KCNB2: variants seen among roughly 807,000 people sequenced by gnomAD.
KCNB2 encodes potassium voltage-gated channel subfamily B member 2.
KCNB2 carries 15 observed loss-of-function variants against 61.5 expected under a neutral mutation model. The observed-to-expected ratio is 0.24, with a 90% CI of 0.16 to 0.38. KCNB2 has a LOEUF of 0.38. Among genes scored for constraint, KCNB2 ranks in the 10% least tolerant of loss-of-function variants. The pLI, the probability that KCNB2 is intolerant of heterozygous loss-of-function variation, is 1.00. For synonymous variants in KCNB2, 457 were observed against 446.0 expected (o/e 1.02, Z -0.31); for missense variants, 828 against 1,125.2 (o/e 0.74, Z 3.78).
intron 2 of KCNB2, among the ~76,000 whole-genome samples, chr8:72,889,440 C>T (rs1688320792): frequency 6.6e-6 from 1 of 152,166 alleles, no homozygotes; most frequent in Non-Finnish European, 1.5e-5. Flanking sequence ...GTAATGCCAG[C>T]ACTTTGGGAG....
chr8:72,665,309 G>A lies in KCNB2; in HGVS notation c.579+96996G>A, dbSNP rs146319576. Among the ~76,000 whole-genome samples the A allele has an allele frequency of 1.5e-4, 23 of 152,256 alleles. No homozygotes were observed. The East Asian group carries it at 4.3e-3, about 28-fold the overall frequency. On this transcript the variant is annotated intron_variant, in intron 2 of 2. Coordinates refer to ENST00000523207, the MANE Select transcript of KCNB2 (RefSeq NM_004770.3). ...TATAGGGCTTGACTGGAAAAAACAA[G>A]GAGGTCTCCAAGGCTTTTAGCTGCA...
intron 2 of KCNB2, among the ~76,000 whole-genome samples, chr8:72,866,073 T>A (rs1477924633): frequency 2.0e-5 from 3 of 152,208 alleles, no homozygotes; most frequent in African/African-American, 7.2e-5. Flanking sequence ...CACATTGTCA[T>A]TCAGATGTTG....
chr8:72,701,906 T>C (rs1337896699), intron 2 of KCNB2, among the ~76,000 whole-genome samples: 1 of 152,244 alleles, frequency 6.6e-6, no homozygotes, highest in Non-Finnish European at 1.5e-5. Flanking sequence ...AATAGATATG[T>C]AATATTGTAC....
chr8:72,936,941 C>T lies in KCNB2; in HGVS notation c.1586C>T (p.Ser529Phe). 1 of 1,614,170 alleles carries T rather than the reference C, an allele frequency of 6.2e-7. No homozygotes were observed. Among genetic ancestry groups the T allele is most frequent in the Admixed American group, 1.7e-5 (1 of 60,028 alleles). ...DSHEQLNNTS[S>F]SSPQHLSAQK... The stretch of plus-strand genomic sequence containing the variant: ...CACGAGCAGCTGAACAACACGTCTT[C>T]CTCCAGCCCACAGCATCTGAGTGCC... Residue 529 changes from serine to phenylalanine, a missense_variant, in exon 3 of 3, where the codon TCC becomes TTC. This residue lies in a region of KCNB2 where 559 missense variants were observed against 588.4 expected (regional missense o/e 0.95). Transcript: ENST00000523207. This position sits in a 1 kb window ranked among gnomAD's most constrained non-coding sequence, Gnocchi z 5.6.
rs868237536 is a variant in KCNB2, at chr8:72,936,697, A to G, written c.1342A>G (p.Ser448Gly). 1 of 1,614,086 alleles carries G rather than the reference A, an allele frequency of 6.2e-7. No individual in the cohort carries two copies. Residue 448 changes from serine to glycine, a missense_variant, in exon 3 of 3, where the codon AGC (serine) becomes GGC (glycine). By Grantham distance (56) the Ser-to-Gly change is moderately conservative (BLOSUM62 0). Transcript: ENST00000523207. This position sits in a 1 kb window ranked among gnomAD's most constrained non-coding sequence, Gnocchi z 5.6. ...EALERAKRNGSIVSMNLKDAF... is the reference protein window; with the variant it reads ...EALERAKRNGGIVSMNLKDAF... The stretch of plus-strand genomic sequence containing the variant: ...TCTTGAGCGGGCCAAAAGGAACGGA[A>G]GCATCGTTTCTATGAACTTAAAAGA...
intron 2 of KCNB2, among the ~76,000 whole-genome samples, chr8:72,899,462 T>C (rs1223867101): frequency 6.6e-6 from 1 of 152,196 alleles, no homozygotes; most frequent in Non-Finnish European, 1.5e-5. Flanking sequence ...GAAAATATGA[T>C]TTTATGTCTG....
intron 2 of KCNB2, among the ~76,000 whole-genome samples, chr8:72,677,025 A>G (rs1806665876): frequency 1.3e-5 from 2 of 152,214 alleles, no homozygotes; most frequent in Non-Finnish European, 2.9e-5. Flanking sequence ...TATTTAAGGT[A>G]AAATTAGGTC....
chr8:72,556,295 A>G (rs373764424), intron 1 of KCNB2, among the ~76,000 whole-genome samples: 4 of 152,120 alleles, frequency 2.6e-5, no homozygotes, highest in Admixed American at 6.6e-5. Flanking sequence ...CATCTTGCCC[A>G]TCTGCCTTAC....
intron 2 of KCNB2, among the ~76,000 whole-genome samples, chr8:72,782,425 A>T (rs758722141): frequency 6.6e-6 from 1 of 152,076 alleles, no homozygotes. Flanking sequence ...AAACCCCCTA[A>T]TAAAATCCCA....
intron 2 of KCNB2, among the ~76,000 whole-genome samples, chr8:72,839,641 C>G (rs779773212): frequency 2.8e-5 from 3 of 107,760 alleles, no homozygotes; most frequent in Admixed American, 1.4e-4. Context: ...GTGACGGAGT[C>G]TCGCTCTGTC....
chr8:72,790,592 G>A lies in KCNB2; in HGVS notation c.580-145343G>A, dbSNP rs191630111. ...TATGTTTTTAAGAACTTTGGCACTCGAGGGGAGGATTGTTCTGTGACAGCA... is the reference window on the plus strand; with the variant it reads ...TATGTTTTTAAGAACTTTGGCACTCAAGGGGAGGATTGTTCTGTGACAGCA... On this transcript the variant is annotated intron_variant, in intron 2 of 2. Coordinates refer to ENST00000523207, the MANE Select transcript of KCNB2 (RefSeq NM_004770.3). Among the ~76,000 whole-genome samples the A allele has an allele frequency of 1.0e-3, 153 of 152,244 alleles. 2 individuals are homozygous for A. The highest frequency in any genetic ancestry group is 3.4e-3 in the African/African-American group (140 of 41,556).
At chr8:72,726,831 C>G (rs1807658393) in intron 2 of KCNB2, among the ~76,000 whole-genome samples, 1 of 151,888 alleles carries the variant, frequency 6.6e-6, no homozygotes, top group Non-Finnish European at 1.5e-5. Flanking sequence ...AATGAAGAGG[C>G]AGCTCAGGAG....
intron 2 of KCNB2, among the ~76,000 whole-genome samples, chr8:72,653,626 C>G (rs1806244952): frequency 2.0e-5 from 3 of 152,066 alleles, no homozygotes; most frequent in Admixed American, 6.6e-5. Context: ...CAAACCTGAC[C>G]TGCCGCTTGT....
At chr8:72,593,479 G>A (rs778627869) in intron 2 of KCNB2, among the ~76,000 whole-genome samples, 9 of 152,156 alleles carry the variant, frequency 5.9e-5, no homozygotes, top group Non-Finnish European at 8.8e-5. Context: ...TAGCTTTTAC[G>A]GAATGTGTCA....
At chr8:72,907,534 C>A (rs1371969079) in intron 2 of KCNB2, among the ~76,000 whole-genome samples, 1 of 152,132 alleles carries the variant, frequency 6.6e-6, no homozygotes, top group Non-Finnish European at 1.5e-5. Flanking sequence ...CTCAGCAGAG[C>A]AGATACTGCT....
chr8:72,598,814 G>C (rs937180202), intron 2 of KCNB2, among the ~76,000 whole-genome samples: 16 of 151,852 alleles, frequency 1.1e-4, no homozygotes, highest in Admixed American at 4.6e-4. Flanking sequence ...ATAAGAGACA[G>C]AGAGCCAAAT....
intron 2 of KCNB2, among the ~76,000 whole-genome samples, chr8:72,654,380 A>T (rs1806258466): frequency 6.6e-6 from 1 of 152,172 alleles, no homozygotes; most frequent in Admixed American, 6.6e-5. Flanking sequence ...TGAAAGAGTG[A>T]CAGCTATTTC....
At chr8:72,637,405 G>A (rs1353110209) in intron 2 of KCNB2, among the ~76,000 whole-genome samples, 3 of 152,092 alleles carry the variant, frequency 2.0e-5, no homozygotes, top group Non-Finnish European at 2.9e-5. Context: ...TCTCTGAATA[G>A]ATCTTTTTTT....
chr8:72,923,194 G>A (rs1195322732), intron 2 of KCNB2, among the ~76,000 whole-genome samples: 1 of 152,024 alleles, frequency 6.6e-6, no homozygotes, highest in Non-Finnish European at 1.5e-5. Flanking sequence ...CCTTCAGGTA[G>A]AAGGCTTCAG....
Sources: allele counts gnomAD v4.1 joint callset (sites outside exome capture counted in the v4.1 genomes callset), GRCh38; gene constraint gnomAD v4.1.1; regional missense constraint gnomAD v4.1.1; non-coding constraint Gnocchi (gnomAD v3.1); transcripts MANE v1.5; gene names NCBI Gene and HGNC (gene_info 2026-07-23, HGNC 2026-07-21).